The following PIN4 variants were observed in gnomAD, a reference collection of about 807,000 sequenced individuals.
PIN4 encodes the protein peptidyl-prolyl cis-trans isomerase NIMA-interacting 4.
PIN4 carries 3 observed loss-of-function variants against 8.3 expected under a neutral mutation model. The observed-to-expected ratio is 0.36, with a 90% CI of 0.16 to 0.93. The LOEUF (loss-of-function observed/expected upper bound fraction) is 0.93. PIN4 is among the 40% of genes least tolerant of loss of function. PIN4 has a pLI of 0.44. For synonymous variants in PIN4, 18 were observed against 32.5 expected (o/e 0.55, Z 1.52); for missense variants, 75 against 100.6 (o/e 0.75, Z 1.09).
chrX:72,246,465 A>G (rs1435170912), intron 3 of PIN4, among the ~76,000 whole-genome samples: 1 of 110,792 alleles, frequency 9.0e-6, no homozygotes. Context: ...AAAAATACCA[A>G]ACTGATCATG....
rs972910933 is a variant in PIN4, at chrX:72,181,794, C to G, written c.9C>G (p.Pro3=). MP[P]KGKSGSGKAG... ...AACAACAAGCTTCCAAGATGCCGCC[C>G]AAAGGAAAAAGTGGTTCTGGAAAAG... is the stretch of plus-strand genomic sequence containing the variant. Residue 3 remains proline, a synonymous_variant, in exon 1 of 4, where the codon CCC becomes CCG. Transcript: ENST00000373669. 7.6e-6 allele frequency: 9 copies of G among 1,188,130 alleles called. No individual in the cohort carries two copies. The highest frequency in any genetic ancestry group is 9.1e-6 in the Non-Finnish European group (8 of 876,533).
chrX:72,241,573 C>T (rs1211094790), intron 3 of PIN4, among the ~76,000 whole-genome samples: 1 of 112,556 alleles, frequency 8.9e-6, no homozygotes, highest in Admixed American at 9.4e-5. Flanking sequence ...CCTGTAATCC[C>T]GCCCTTTGGG....
At chrX:72,216,933 G>A (rs1341444559) in intron 3 of PIN4, among the ~76,000 whole-genome samples, 1 of 112,230 alleles carries the variant, frequency 8.9e-6, no homozygotes, top group African/African-American at 3.2e-5. Context: ...CAGGATGTTA[G>A]CCACCAAATG....
At chrX:72,193,473 T>C (rs145346740) in intron 2 of PIN4, among the ~76,000 whole-genome samples, 2,155 of 111,027 alleles carry the variant, frequency 0.019, 39 homozygotes, top group African/African-American at 0.054. Context: ...AACAGTGATA[T>C]TGATGATCCT....
At chrX:72,194,616 C>T (rs1277889921) in intron 2 of PIN4, among the ~76,000 whole-genome samples, 1 of 104,627 alleles carries the variant, frequency 9.6e-6, no homozygotes, top group South Asian at 4.4e-4. Flanking sequence ...GCAGGAGACT[C>T]ACTTGAACTA....
intron 3 of PIN4, among the ~76,000 whole-genome samples, chrX:72,238,273 C>T (rs1395129709): frequency 9.0e-6 from 1 of 111,697 alleles, no homozygotes; most frequent in East Asian, 2.8e-4. Context: ...TTACCACGCC[C>T]CCCACCCTTA....
chrX:72,210,367 T>G (rs1278990222), intron 3 of PIN4, among the ~76,000 whole-genome samples: 1 of 110,534 alleles, frequency 9.0e-6, no homozygotes. Context: ...AACCAACAAG[T>G]GGGAAAATAC....
chrX:72,215,720 G>C (rs1324160566), intron 3 of PIN4, among the ~76,000 whole-genome samples: 1 of 111,106 alleles, frequency 9.0e-6, no homozygotes, highest in Non-Finnish European at 1.9e-5. Flanking sequence ...TCTCACCAAG[G>C]ACACCAACCT....
chrX:72,190,257 A>G (rs1008198708), intron 2 of PIN4, among the ~76,000 whole-genome samples: 7 of 112,158 alleles, frequency 6.2e-5, no homozygotes, highest in African/African-American at 2.3e-4. Flanking sequence ...GCTACTCAGG[A>G]TCAATCCAAT....
At chrX:72,233,136 G>C (rs2042995295) in intron 3 of PIN4, among the ~76,000 whole-genome samples, 1 of 111,369 alleles carries the variant, frequency 9.0e-6, no homozygotes. Flanking sequence ...TAGCATTATT[G>C]AAAGTAGGAA....
intron 3 of PIN4, among the ~76,000 whole-genome samples, chrX:72,260,957 C>T (rs746865757): frequency 2.7e-4 from 30 of 112,020 alleles, no homozygotes; most frequent in African/African-American, 9.7e-4. Context: ...CTATTCTCTG[C>T]TTCCATGAGC....
At chrX:72,262,603 T>C (rs1042968026) in intron 3 of PIN4, 2 of 468,599 alleles carry the variant, frequency 4.3e-6, no homozygotes, top group Admixed American at 3.6e-5. Context: ...GGCTCAACTC[T>C]TGTCAAGACC....
Position 72,234,101 on chromosome X carries a change from C to T in PIN4, c.313-28606C>T, listed in dbSNP as rs770682441. ...CTCCAGCCTGGGCAACAGAGCAAGA[C>T]TCCGTCTCAAAAAAAAAAAAGAATA... On this transcript the variant is annotated intron_variant, in intron 3 of 3. Transcript: ENST00000423432. Among the ~76,000 whole-genome samples the T allele has an allele frequency of 2.1e-3, 225 of 109,274 alleles. 1 individual carries two copies. Among genetic ancestry groups the T allele is most frequent in the African/African-American group, 7.3e-3 (218 of 29,940 alleles). The allele number at this position is 109,274 out of a possible 115,157, so 94.9% of individuals were successfully genotyped here.
intron 2 of PIN4, among the ~76,000 whole-genome samples, chrX:72,188,448 C>T (rs1348898866): frequency 9.0e-6 from 1 of 111,104 alleles, no homozygotes; most frequent in Non-Finnish European, 1.9e-5. Flanking sequence ...ACCTCCGCCT[C>T]CCAGGTTCAA....
At chrX:72,238,847 A>C in intron 3 of PIN4, 2 of 1,190,356 alleles carry the variant, frequency 1.7e-6, no homozygotes, top group Non-Finnish European at 2.3e-6. Flanking sequence ...GACATACCTT[A>C]GGTAATGAGC....
intron 3 of PIN4, among the ~76,000 whole-genome samples, chrX:72,229,156 A>C (rs1451864839): frequency 9.0e-6 from 1 of 111,283 alleles, no homozygotes; most frequent in Non-Finnish European, 1.9e-5. Context: ...CTTTTACAAC[A>C]AGCTTCACTT....
intron 3 of PIN4, chrX:72,207,623 T>C (rs1258814503): frequency 8.3e-7 from 1 of 1,210,822 alleles, no homozygotes. Context: ...ACAAATTTCC[T>C]GTATATTTCT....
intron 3 of PIN4, chrX:72,206,117 G>C: frequency 1.7e-6 from 2 of 1,211,629 alleles, no homozygotes; most frequent in Non-Finnish European, 2.2e-6. Context: ...TCATCCTTTA[G>C]TTGATCTAAA....
intron 3 of PIN4, chrX:72,238,728 C>G: frequency 1.2e-5 from 8 of 641,697 alleles, no homozygotes; most frequent in Non-Finnish European, 1.7e-5. Context: ...AGCGCGAGCG[C>G]GCGTCTCAAA....
Sources: allele counts gnomAD v4.1 joint callset (sites outside exome capture counted in the v4.1 genomes callset), GRCh38; gene constraint gnomAD v4.1.1; transcripts MANE v1.5; gene names NCBI Gene and HGNC (gene_info 2026-07-23, HGNC 2026-07-21).